Variants in CECR2 observed in about 807,000 individuals in gnomAD.
The protein encoded by CECR2 is chromatin remodeling regulator CECR2.
Under a neutral mutation model 154.5 loss-of-function variants are expected in CECR2, and 30 were observed. The observed-to-expected ratio is 0.19, with a 90% confidence interval of 0.15 to 0.26. The LOEUF (loss-of-function observed/expected upper bound fraction) is 0.26. Ranked by LOEUF, CECR2 falls within the 10% of genes least tolerant of loss-of-function variation. The pLI is 1.00. For missense variants in CECR2, 1,743 were observed against 1,829.3 expected (o/e 0.95, Z 0.86); for synonymous variants, 725 against 683.7 (o/e 1.06, Z -0.94).
intron 1 of CECR2, among the ~76,000 whole-genome samples, chr22:17,408,034 C>A (rs1194926128): frequency 6.6e-6 from 1 of 152,092 alleles, no homozygotes; most frequent in East Asian, 1.9e-4. Context: ...TTTTCAAGTT[C>A]ATTTGTTAAA....
intron 1 of CECR2, among the ~76,000 whole-genome samples, chr22:17,385,189 T>C (rs929074799): frequency 2.0e-5 from 3 of 152,226 alleles, no homozygotes; most frequent in Non-Finnish European, 4.4e-5. Context: ...CTGTTTTGCC[T>C]TCTCATTACT....
intron 1 of CECR2, among the ~76,000 whole-genome samples, chr22:17,380,595 T>C (rs2063175759): frequency 6.6e-6 from 1 of 152,158 alleles, no homozygotes; most frequent in East Asian, 1.9e-4. Flanking sequence ...CTGAATTGAA[T>C]GTGTGAGTGG....
chr22:17,553,550 C>CT lies in CECR2; in HGVS notation c.*712dup, dbSNP rs1208765376. 6.6e-6 allele frequency: 1 copy of CT among 152,226 alleles called. No homozygotes were observed. Among genetic ancestry groups the CT allele is most frequent in the African/African-American group, 2.4e-5 (1 of 41,434 alleles). 9.4% of individuals were successfully genotyped at this position (152,226 alleles called of 1,614,324 possible). A position where few individuals can be genotyped will look rare whatever the true frequency, so the allele number is the denominator to read the frequency against. On this transcript the variant is annotated 3_prime_UTR_variant, in exon 19 of 19. Coordinates refer to ENST00000262608, the MANE Select transcript of CECR2 (RefSeq NM_001290047.2). Reference sequence around the variant, plus strand: ...GCCAGCCTTCAGAATAGCTAAAGGCCTTCCTTCCTTCCAGTCAGCCTGAGA... The same window carrying CT: ...GCCAGCCTTCAGAATAGCTAAAGGCCTTTCCTTCCTTCCAGTCAGCCTGAGA...
At chr22:17,547,908 C>T (rs149042294) in intron 16 of CECR2, among the ~76,000 whole-genome samples, 171 of 152,248 alleles carry the variant, frequency 1.1e-3, no homozygotes, top group African/African-American at 3.9e-3. Context: ...TTCCATTCTC[C>T]GGCCCACTGT....
chr22:17,514,601 T>C (rs909428185), intron 8 of CECR2, among the ~76,000 whole-genome samples: 1 of 152,200 alleles, frequency 6.6e-6, no homozygotes, highest in African/African-American at 2.4e-5. Context: ...GCTTGGCCAG[T>C]TGTCATTCAT....
intron 1 of CECR2, 50 bp downstream of exon 1, chr22:17,369,959 C>G (rs2063034888): frequency 6.6e-6 from 1 of 151,036 alleles, no homozygotes; most frequent in African/African-American, 2.4e-5. Context: ...CCTGCTCCCC[C>G]TGCCCCGCGC....
chr22:17,548,038 C>A, intron 16 of CECR2, 110 bp from the exon 17 acceptor site: 1 of 1,027,148 alleles, frequency 9.7e-7, no homozygotes, highest in Non-Finnish European at 1.4e-6. Flanking sequence ...CCAGGTGGGG[C>A]TTGAATCACC....
chr22:17,524,306 A>G (rs2056213059), intron 9 of CECR2, 35 bp downstream of exon 9: 3 of 1,593,780 alleles, frequency 1.9e-6, no homozygotes, highest in Non-Finnish European at 2.6e-6. Context: ...GGAGAGGTGC[A>G]TGTCTGTCGA....
intron 15 of CECR2, 48 bp downstream of exon 15, chr22:17,542,015 C>A (rs530591517): frequency 1.3e-6 from 2 of 1,587,516 alleles, no homozygotes; most frequent in South Asian, 2.3e-5. Flanking sequence ...CCCACAGGTA[C>A]GTTTCAGAGA....
chr22:17,370,227 T>TGGGCTG (rs1215660395), intron 1 of CECR2, among the ~76,000 whole-genome samples: 2 of 140,526 alleles, frequency 1.4e-5, no homozygotes, highest in Non-Finnish European at 3.0e-5. Context: ...ACTTCTCCGG[T>TGGGCTG]GGGCTGGGGC....
At position 17,463,161 on chromosome 22, in the gene CECR2, G is replaced by A. The variant is rs762696199; in HGVS notation, c.127-14427G>A. 1.8e-4 allele frequency among the ~76,000 whole-genome samples: 27 copies of A among 152,184 alleles called. 1 individual carries two copies. The highest frequency in any genetic ancestry group is 3.4e-4 in the Non-Finnish European group (23 of 68,028). On this transcript the variant is annotated intron_variant, in intron 1 of 18. Transcript: ENST00000262608. ...AGAACCTAGTGCAGATGCCCCAGCC[G>A]GGAGTGCTGAGTGTATCTGAGGAGC...
At chr22:17,363,421 G>C (rs958277222) in intron 1 of CECR2, among the ~76,000 whole-genome samples, 3 of 152,182 alleles carry the variant, frequency 2.0e-5, no homozygotes, top group Non-Finnish European at 1.5e-5. Flanking sequence ...TCGAGACCAG[G>C]CTGGTCTCGA....
At chr22:17,414,792 T>C (rs2054132279) in intron 1 of CECR2, among the ~76,000 whole-genome samples, 1 of 151,878 alleles carries the variant, frequency 6.6e-6, no homozygotes, top group South Asian at 2.1e-4. Flanking sequence ...AGAAAAATGG[T>C]TGGGGTGAGG....
chr22:17,375,488 A>G (rs1326117673), intron 1 of CECR2, among the ~76,000 whole-genome samples: 1 of 152,136 alleles, frequency 6.6e-6, no homozygotes, highest in African/African-American at 2.4e-5. Context: ...CATAATAGAG[A>G]AATACCTGCT....
At chr22:17,449,014 G>C (rs2054723137) in intron 1 of CECR2, among the ~76,000 whole-genome samples, 1 of 151,980 alleles carries the variant, frequency 6.6e-6, no homozygotes, top group African/African-American at 2.4e-5. Flanking sequence ...GAGTAGCTGG[G>C]ACCACAGGCG....
intron 8 of CECR2, among the ~76,000 whole-genome samples, chr22:17,523,755 CA>C (rs66963477): frequency 0.26 from 26,629 of 100,720 alleles, 2,220 homozygotes; most frequent in East Asian, 0.54. Flanking sequence ...GACTCTATCT[CA>C]AAAAAAAAAA....
In CECR2 at chr22:17,542,359, G is replaced by A. The variant is rs751314301; in HGVS notation, c.2216G>A (p.Gly739Glu). 4 of 1,613,734 alleles carry A rather than the reference G, an allele frequency of 2.5e-6. No individual in the cohort carries two copies. Among genetic ancestry groups the A allele is most frequent in the Non-Finnish European group, 3.4e-6 (4 of 1,179,860 alleles). Residue 739 changes from glycine (G) to glutamate (E), a missense_variant, in exon 16 of 19, where the codon GGG (glycine) becomes GAG (glutamate). This residue lies in a region of CECR2 where 1,250 missense variants were observed against 1,192.1 expected (regional missense o/e 1.05). Coordinates refer to ENST00000262608, the MANE Select transcript of CECR2 (RefSeq NM_001290047.2). ...CCAGGATTCATTCCTCCCCGGCATGGGGGGGCTCCAGCCCGGCCACCAGAC... is the reference window on the plus strand; with the variant it reads ...CCAGGATTCATTCCTCCCCGGCATGAGGGGGCTCCAGCCCGGCCACCAGAC... ...FQPGFIPPRHGGAPARPPDFP... is the reference protein window; with the variant it reads ...FQPGFIPPRHEGAPARPPDFP...
intron 1 of CECR2, among the ~76,000 whole-genome samples, chr22:17,404,488 C>T (rs2146544522): frequency 7.4e-6 from 1 of 136,000 alleles, no homozygotes; most frequent in South Asian, 2.3e-4. Context: ...ATTCTCCTGC[C>T]TCAGCCTCCC....
intron 1 of CECR2, among the ~76,000 whole-genome samples, chr22:17,470,724 T>A (rs2055112977): frequency 6.6e-6 from 1 of 152,210 alleles, no homozygotes; most frequent in African/African-American, 2.4e-5. Context: ...TGTTCTTTCA[T>A]AATTTCTTTC....
Sources: gnomAD v4.1 joint callset for allele counts (sites outside exome capture counted in the v4.1 genomes callset) on GRCh38, gnomAD v4.1.1 for gene constraint, gnomAD v4.1.1 regional missense constraint, MANE v1.5 for transcripts, NCBI Gene and HGNC (gene_info 2026-07-23, HGNC 2026-07-21) for gene names.